PABPC4L: variants seen among roughly 807,000 people sequenced by gnomAD.
PABPC4L encodes the protein polyadenylate-binding protein 4-like.
For missense variants in PABPC4L, 452 were observed against 451.4 expected, an observed-to-expected ratio of 1.00 and a Z score of -0.01; for synonymous variants, 169 against 164.1, an observed-to-expected ratio of 1.03 and a Z score of -0.23.
the PABPC4L span, among the ~76,000 whole-genome samples, chr4:133,959,275 T>C: frequency 1.3e-5 from 2 of 152,148 alleles, no homozygotes; most frequent in African/African-American, 4.8e-5. Context: ...AAAAAATACA[T>C]CATTAGAAAT....
At chr4:134,151,585 C>T in the PABPC4L span, among the ~76,000 whole-genome samples, 6 of 151,974 alleles carry the variant, frequency 3.9e-5, no homozygotes, top group East Asian at 1.2e-3. Flanking sequence ...ACTCCATCAA[C>T]ACATACAAAA....
At chr4:134,181,314 T>C in the PABPC4L span, among the ~76,000 whole-genome samples, 1 of 151,884 alleles carries the variant, frequency 6.6e-6, no homozygotes, top group Admixed American at 6.6e-5. Context: ...TCAATAAAAT[T>C]TAATATCCCT....
the PABPC4L span, among the ~76,000 whole-genome samples, chr4:134,173,034 GC>G: frequency 6.6e-6 from 1 of 151,286 alleles, no homozygotes; most frequent in Non-Finnish European, 1.5e-5. Context: ...AGTTAAAACA[GC>G]TTTTATCAAA....
At chr4:134,058,342 C>T in the PABPC4L span, among the ~76,000 whole-genome samples, 213 of 151,872 alleles carry the variant, frequency 1.4e-3, 1 homozygote, top group Admixed American at 0.012. Flanking sequence ...ATTCTTTAAA[C>T]ATAGTTTTGA....
Position 134,196,606 on chromosome 4 carries a change from T to C in PABPC4L, c.*3301A>G, listed in dbSNP as rs1050965418. ...TGGCTCAAGGCATATCTATGTACAT[T>C]AGCTTTTACTGGAATGCTTATCAGA... On this transcript the variant is annotated 3_prime_UTR_variant, in exon 2 of 2. Transcript: ENST00000421491. 1 of 151,720 alleles carries C rather than the reference T, an allele frequency of 6.6e-6. No individual in the cohort carries two copies. The highest frequency in any genetic ancestry group is 1.5e-5 in the Non-Finnish European group (1 of 67,662). 9.4% of individuals were successfully genotyped at this position (151,720 alleles called of 1,614,324 possible). A position where few individuals can be genotyped will look rare whatever the true frequency, so the allele number is the denominator to read the frequency against.
chr4:134,200,509 T>C lies in PABPC4L; in HGVS notation c.511A>G (p.Arg171Gly), dbSNP rs1003951040. The C allele has an allele frequency of 1.2e-5, 19 of 1,551,678 alleles. No individual in the cohort carries two copies. The highest frequency in any genetic ancestry group is 1.5e-5 in the Non-Finnish European group (17 of 1,146,978). ...TCACGATCTTTTCGGTTTTTGAATC[T>C]GCCAACAAACACCTTGCAGCCCTTG... ...LLKGCKVFVG[R>G]FKNRKDREAE... The change falls in exon 2 of 2, where the codon AGA becomes GGA. Residue 171 changes from arginine (R) to glycine (G), a missense_variant. Transcript: ENST00000421491.
chr4:134,068,745 G>C, the PABPC4L span, among the ~76,000 whole-genome samples: 1 of 148,384 alleles, frequency 6.7e-6, no homozygotes, highest in African/African-American at 2.5e-5. Flanking sequence ...GTCTCGCTCT[G>C]TTGCCCAGGC....
chr4:134,103,263 T>C, the PABPC4L span, among the ~76,000 whole-genome samples: 1 of 151,628 alleles, frequency 6.6e-6, no homozygotes, highest in African/African-American at 2.4e-5. Context: ...TTATGAAAAT[T>C]AGGTTTTTCC....
chr4:134,150,301 C>T, the PABPC4L span, among the ~76,000 whole-genome samples: 1 of 151,978 alleles, frequency 6.6e-6, no homozygotes, highest in Admixed American at 6.6e-5. Context: ...CCAGGCTGGT[C>T]TCAAACTCCT....
At chr4:134,122,379 T>C in the PABPC4L span, among the ~76,000 whole-genome samples, 3 of 152,024 alleles carry the variant, frequency 2.0e-5, no homozygotes, top group East Asian at 5.8e-4. Context: ...TTTTACAGAC[T>C]TAAAATTGTG....
chr4:134,162,811 A>G, the PABPC4L span, among the ~76,000 whole-genome samples: 2 of 152,106 alleles, frequency 1.3e-5, no homozygotes, highest in Non-Finnish European at 2.9e-5. Context: ...ATTTTTCAAA[A>G]TGAATATTAA....
the PABPC4L span, among the ~76,000 whole-genome samples, chr4:134,109,155 CA>C: frequency 1.3e-5 from 2 of 151,616 alleles, no homozygotes; most frequent in South Asian, 4.2e-4. Flanking sequence ...AAGCAAGATG[CA>C]AAAAAGTATG....
the PABPC4L span, among the ~76,000 whole-genome samples, chr4:134,063,453 T>C: frequency 1.3e-5 from 2 of 152,022 alleles, no homozygotes; most frequent in Non-Finnish European, 1.5e-5. Context: ...TGAGGGGCAA[T>C]GGGCAAGGTA....
chr4:134,049,055 G>GCTTCCTTC, the PABPC4L span, among the ~76,000 whole-genome samples: 1 of 152,036 alleles, frequency 6.6e-6, no homozygotes, highest in Non-Finnish European at 1.5e-5. Flanking sequence ...ATTGAAGGAA[G>GCTTCCTTC]AATCCAGGTC....
the PABPC4L span, among the ~76,000 whole-genome samples, chr4:134,103,044 C>T: frequency 6.6e-6 from 1 of 151,458 alleles, no homozygotes; most frequent in Non-Finnish European, 1.5e-5. Flanking sequence ...AAACTGCTCT[C>T]CATGTTTGAC....
the PABPC4L span, among the ~76,000 whole-genome samples, chr4:133,974,650 T>C: frequency 2.6e-5 from 4 of 152,076 alleles, no homozygotes; most frequent in Admixed American, 6.6e-5. Flanking sequence ...ATACAGACTA[T>C]AAATAAATTC....
At chr4:133,955,282 T>A in the PABPC4L span, among the ~76,000 whole-genome samples, 1 of 151,878 alleles carries the variant, frequency 6.6e-6, no homozygotes, top group Admixed American at 6.6e-5. Context: ...AAAAAAAGAT[T>A]TTTTTTTAAA....
At chr4:134,137,852 A>C in the PABPC4L span, among the ~76,000 whole-genome samples, 1 of 151,852 alleles carries the variant, frequency 6.6e-6, no homozygotes, top group African/African-American at 2.4e-5. Flanking sequence ...CATTATACAA[A>C]ATTTATCTTC....
chr4:133,982,515 G>A, the PABPC4L span, among the ~76,000 whole-genome samples: 1 of 151,972 alleles, frequency 6.6e-6, no homozygotes, highest in Non-Finnish European at 1.5e-5. Context: ...TTTTGCAGTG[G>A]TTGAATATGC....
Sources: allele counts gnomAD v4.1 joint callset (sites outside exome capture counted in the v4.1 genomes callset), GRCh38; gene constraint gnomAD v4.1.1; transcripts MANE v1.5; gene names NCBI Gene and HGNC (gene_info 2026-07-23, HGNC 2026-07-21).